Variants in TRAK1 observed in about 807,000 individuals in gnomAD.
TRAK1 encodes trafficking kinesin-binding protein 1.
Under a neutral mutation model 92.1 loss-of-function variants are expected in TRAK1, and 33 were observed. The observed-to-expected ratio is 0.36, with a 90% CI of 0.27 to 0.48. The LOEUF (loss-of-function observed/expected upper bound fraction) is 0.48, where lower values mean the gene tolerates loss of function less well. Ranked by LOEUF, TRAK1 falls within the 20% of genes least tolerant of loss-of-function variation. The probability of loss-of-function intolerance (pLI) is 0.99; values close to 1 mark genes in which losing one functional copy is unlikely to be tolerated. For missense variants in TRAK1, 1,123 were observed against 1,257.9 expected (o/e 0.89, Z 1.62); for synonymous variants, 521 against 517.3 (o/e 1.01, Z -0.10).
intron 2 of TRAK1, among the ~76,000 whole-genome samples, chr3:42,159,905 G>C (rs530697503): frequency 1.3e-5 from 2 of 152,312 alleles, no homozygotes; most frequent in African/African-American, 4.8e-5. Context: ...CCTTTAAACA[G>C]GTGTGCCTGC....
chr3:42,200,708 A>G (rs1707401525), intron 11 of TRAK1, 110 bp from the exon 12 acceptor site: 6 of 1,049,764 alleles, frequency 5.7e-6, no homozygotes, highest in Non-Finnish European at 8.8e-6. Flanking sequence ...CTGCTGGGGG[A>G]CTCGTCATAG....
At chr3:42,108,847 A>G (rs1432883367) in intron 1 of TRAK1, among the ~76,000 whole-genome samples, 1 of 152,136 alleles carries the variant, frequency 6.6e-6, no homozygotes, top group Non-Finnish European at 1.5e-5. Flanking sequence ...TTTGAAGGCA[A>G]AGTCTCAGAA....
At chr3:42,050,724 C>A (rs1702945802) in intron 1 of TRAK1, among the ~76,000 whole-genome samples, 1 of 152,012 alleles carries the variant, frequency 6.6e-6, no homozygotes, top group Non-Finnish European at 1.5e-5. Context: ...GTAGTGCTAT[C>A]TCAGCTCACT....
chr3:42,173,584 G>A (rs1442374466), intron 2 of TRAK1, among the ~76,000 whole-genome samples: 3 of 152,102 alleles, frequency 2.0e-5, no homozygotes, highest in African/African-American at 7.2e-5. Context: ...AATGCTGCTC[G>A]CTCTGTTTAC....
At chr3:42,154,762 T>G (rs1700353682) in intron 2 of TRAK1, among the ~76,000 whole-genome samples, 1 of 152,132 alleles carries the variant, frequency 6.6e-6, no homozygotes. Context: ...ATGAGCAAGG[T>G]CTTTGGGGAC....
chr3:42,016,951 C>T (rs1401925273), intron 1 of TRAK1, among the ~76,000 whole-genome samples: 1 of 152,086 alleles, frequency 6.6e-6, no homozygotes, highest in East Asian at 1.9e-4. Flanking sequence ...GATTCTGTGA[C>T]CCTTGGTTTT....
In TRAK1 at chr3:42,221,518, A is replaced by G. The variant is rs1474010796; in HGVS notation, c.2067-1424A>G. On this transcript the variant is annotated intron_variant, in intron 15 of 15. Transcript: ENST00000327628. ...AGGGGGCCCCTTCTCTGGTCATCGC[A>G]AAGACCTGCTCCAGAATGGGCCCTT... is the stretch of plus-strand genomic sequence containing the variant. Among the ~76,000 whole-genome samples the G allele has an allele frequency of 1.4e-4, 21 of 152,128 alleles. 1 individual carries two copies. Among genetic ancestry groups the G allele is most frequent in the Admixed American group, 1.4e-3 (21 of 15,284 alleles).
chr3:42,013,767 C>T (rs943483107), upstream of TRAK1: 1 of 149,120 alleles, frequency 6.7e-6, no homozygotes, highest in African/African-American at 2.4e-5. This position sits in a 1 kb window ranked among gnomAD's most constrained non-coding sequence, Gnocchi z 5.1. Flanking sequence ...GCCCCGAGCC[C>T]TTGACGCCCG....
At chr3:42,063,684 T>G (rs1344613652) in intron 1 of TRAK1, among the ~76,000 whole-genome samples, 1 of 128,300 alleles carries the variant, frequency 7.8e-6, no homozygotes, top group Non-Finnish European at 1.7e-5. Flanking sequence ...AGACTCTGTC[T>G]CCAAAAAAAA....
chr3:42,166,114 C>G (rs1701833582), intron 2 of TRAK1, among the ~76,000 whole-genome samples: 1 of 152,094 alleles, frequency 6.6e-6, no homozygotes, highest in Non-Finnish European at 1.5e-5. Context: ...ACCTTCTCAA[C>G]TAGGTCAGGA....
intron 1 of TRAK1, among the ~76,000 whole-genome samples, chr3:42,055,796 C>T (rs1016070759): frequency 2.6e-5 from 4 of 152,172 alleles, no homozygotes; most frequent in East Asian, 1.9e-4. Flanking sequence ...TTTCTTCACC[C>T]GCAAAAGAAA....
At position 42,191,815 on chromosome 3, in the gene TRAK1, G is replaced by A. The variant is rs546428225; in HGVS notation, c.769+179G>A. Among the ~76,000 whole-genome samples, 5 of 150,572 alleles carry A rather than the reference G, an allele frequency of 3.3e-5. No individual in the cohort carries two copies. In the South Asian group the frequency reaches 1.0e-3, roughly 31 times the overall value. On this transcript the variant is annotated intron_variant, in intron 7 of 15. Transcript: ENST00000327628. Reference sequence around the variant, plus strand: ...CCCCCTCTCTATTATTTAGTGCTAAGTTGCCAGCTATGTATTATCTCAGTT... The same window carrying A: ...CCCCCTCTCTATTATTTAGTGCTAAATTGCCAGCTATGTATTATCTCAGTT...
intron 1 of TRAK1, among the ~76,000 whole-genome samples, chr3:42,043,232 C>T (rs1702617214): frequency 2.6e-5 from 4 of 151,224 alleles, no homozygotes; most frequent in Admixed American, 2.6e-4. Context: ...TCCCCTCTTG[C>T]CCTCCTTCTC....
At chr3:42,188,980 C>G in intron 5 of TRAK1, 36 bp from the exon 6 acceptor site, 4 of 1,482,296 alleles carry the variant, frequency 2.7e-6, no homozygotes, top group Non-Finnish European at 3.8e-6. Flanking sequence ...GGAGGAAATG[C>G]GTCTCCCTAG....
intron 1 of TRAK1, among the ~76,000 whole-genome samples, chr3:42,100,246 A>C (rs1416423529): frequency 6.6e-6 from 1 of 152,190 alleles, no homozygotes; most frequent in Non-Finnish European, 1.5e-5. Flanking sequence ...CATGCCCTGT[A>C]GTCCCAGCTA....
upstream of TRAK1, among the ~76,000 whole-genome samples, chr3:42,082,561 C>G (rs941136545): frequency 6.6e-6 from 1 of 152,028 alleles, no homozygotes; most frequent in African/African-American, 2.4e-5. Context: ...CGCCACTGCA[C>G]TCCAGCCTGG....
intron 14 of TRAK1, among the ~76,000 whole-genome samples, chr3:42,217,050 C>A (rs981287589): frequency 6.6e-6 from 1 of 152,092 alleles, no homozygotes; most frequent in African/African-American, 2.4e-5. Flanking sequence ...TCACCCAACC[C>A]CCCTATTTCC....
chr3:42,196,078 T>G (rs1341743913), intron 10 of TRAK1, among the ~76,000 whole-genome samples: 1 of 152,210 alleles, frequency 6.6e-6, no homozygotes, highest in Non-Finnish European at 1.5e-5. Flanking sequence ...CGAATTGAAA[T>G]TTGCATTTCA....
chr3:42,198,336 C>G (rs1707043647), intron 10 of TRAK1, among the ~76,000 whole-genome samples: 1 of 152,164 alleles, frequency 6.6e-6, no homozygotes, highest in Non-Finnish European at 1.5e-5. Context: ...TTCCCCTGAC[C>G]CACAAAGCTG....
Sources: allele counts gnomAD v4.1 joint callset (sites outside exome capture counted in the v4.1 genomes callset), GRCh38; gene constraint gnomAD v4.1.1; non-coding constraint Gnocchi (gnomAD v3.1); transcripts MANE v1.5; gene names NCBI Gene and HGNC (gene_info 2026-07-23, HGNC 2026-07-21).